NEBL: variants seen among roughly 807,000 people sequenced by gnomAD.
The protein encoded by NEBL is nebulette.
A neutral mutation model predicts 140.2 loss-of-function variants in NEBL; 122 were observed. The observed-to-expected ratio is 0.87, with a 90% CI of 0.75 to 1.01. NEBL has a LOEUF of 1.01. Ranked by LOEUF, NEBL falls within the 50% of genes least tolerant of loss-of-function variation. The pLI, the probability that NEBL is intolerant of heterozygous loss-of-function variation, is 0.00. For synonymous variants in NEBL, 436 were observed against 398.9 expected (o/e 1.09, Z -1.11); for missense variants, 1,365 against 1,231.3 (o/e 1.11, Z -1.62).
chr10:20,861,488 T>A (rs1056315898), intron 7 of NEBL, among the ~76,000 whole-genome samples: 2 of 152,130 alleles, frequency 1.3e-5, no homozygotes, highest in African/African-American at 4.8e-5. Context: ...CACAGTCTTA[T>A]TGCCCTCTTC....
chr10:21,283,760 T>C (rs1228683960), intron 1 of NEBL, among the ~76,000 whole-genome samples: 3 of 151,880 alleles, frequency 2.0e-5, no homozygotes, highest in Non-Finnish European at 1.5e-5. Context: ...CTTAAGAAAA[T>C]CTTTTGGGTT....
chr10:20,833,529 AG>A (rs1564365837), intron 14 of NEBL, among the ~76,000 whole-genome samples: 1 of 152,116 alleles, frequency 6.6e-6, no homozygotes, highest in East Asian at 1.9e-4. Flanking sequence ...TCTCAGCCTG[AG>A]AGTGGAGACT....
intron 3 of NEBL, among the ~76,000 whole-genome samples, chr10:21,219,332 A>C (rs1842037180): frequency 6.6e-6 from 1 of 152,258 alleles, no homozygotes; most frequent in Non-Finnish European, 1.5e-5. Flanking sequence ...AATTTCTGCT[A>C]CTAAAATGTA....
chr10:21,248,493 C>T (rs1019405312), intron 2 of NEBL, among the ~76,000 whole-genome samples: 1 of 152,116 alleles, frequency 6.6e-6, no homozygotes, highest in African/African-American at 2.4e-5. Context: ...TATCATGTGT[C>T]AGAATTCTAT....
In NEBL at chr10:20,787,503, A is replaced by T. The variant is rs190385432; in HGVS notation, c.2762-195T>A. 5.2e-3 allele frequency among the ~76,000 whole-genome samples: 792 copies of T among 152,336 alleles called. 6 individuals are homozygous for T. The highest frequency in any genetic ancestry group is 0.019 in the South Asian group (94 of 4,824). On this transcript the variant is annotated intron_variant, in intron 26 of 27. Transcript: ENST00000377122. ...GAAATCTTAGTAATTAGGGACACAT[A>T]AAGAAACTCAGCTTAGCATGCAGTT...
At chr10:20,845,169 A>T in intron 12 of NEBL, 89 bp downstream of exon 12, 1 of 807,142 alleles carries the variant, frequency 1.2e-6, no homozygotes, top group Non-Finnish European at 2.1e-6. Context: ...TATCTGAAAC[A>T]CTGAATTAGT....
intron 3 of NEBL, among the ~76,000 whole-genome samples, chr10:21,227,704 CTTCTTCTTTCTT>C (rs1348995961): frequency 1.3e-5 from 1 of 74,888 alleles, no homozygotes; most frequent in East Asian, 3.3e-4. Flanking sequence ...TCTTCTTCTT[CTTCTTCTTTCTT>C]CTTCTTCTTC....
intron 3 of NEBL, among the ~76,000 whole-genome samples, chr10:21,004,285 TA>T (rs897874752): frequency 2.0e-5 from 3 of 151,744 alleles, no homozygotes; most frequent in African/African-American, 4.8e-5. Context: ...GCATCATTAA[TA>T]AAAAAATAAA....
At chr10:20,917,557 C>T (rs1300021122) in intron 4 of NEBL, among the ~76,000 whole-genome samples, 3 of 152,132 alleles carry the variant, frequency 2.0e-5, no homozygotes, top group South Asian at 4.1e-4. Context: ...CTATGCATCA[C>T]GTACCTCATT....
intron 1 of NEBL, among the ~76,000 whole-genome samples, chr10:21,263,465 A>C (rs1037808320): frequency 1.5e-4 from 23 of 152,054 alleles, no homozygotes; most frequent in African/African-American, 5.3e-4. Context: ...TAAGAGTCCA[A>C]GCGGGGGAGG....
chr10:20,802,848 A>G (rs944858148), intron 26 of NEBL, among the ~76,000 whole-genome samples: 2 of 152,224 alleles, frequency 1.3e-5, no homozygotes. Context: ...ATTCTTACAC[A>G]TAGAAAGAAA....
At chr10:20,946,415 GA>G (rs1354013496) in intron 4 of NEBL, among the ~76,000 whole-genome samples, 2 of 152,080 alleles carry the variant, frequency 1.3e-5, no homozygotes, top group African/African-American at 4.8e-5. Flanking sequence ...TCCATTTCTT[GA>G]GCCAGGAGTA....
intron 2 of NEBL, among the ~76,000 whole-genome samples, chr10:21,022,449 C>A (rs1357965459): frequency 6.6e-6 from 1 of 152,198 alleles, no homozygotes; most frequent in Admixed American, 6.5e-5. Flanking sequence ...GTAGCTCCCA[C>A]GGAGTCAGAT....
chr10:20,938,917 T>A (rs1185373692), intron 4 of NEBL, among the ~76,000 whole-genome samples: 1 of 152,084 alleles, frequency 6.6e-6, no homozygotes, highest in East Asian at 1.9e-4. Context: ...GAACAAAACC[T>A]CCAAGAAATA....
chr10:21,288,820 G>GTA (rs71392181), intron 1 of NEBL, among the ~76,000 whole-genome samples: 3 of 35,024 alleles, frequency 8.6e-5, no homozygotes, highest in East Asian at 2.5e-3. Context: ...GTGTGTGTGT[G>GTA]TATATATATA....
chr10:21,286,270 C>T (rs910201272), intron 1 of NEBL, among the ~76,000 whole-genome samples: 2 of 152,174 alleles, frequency 1.3e-5, no homozygotes, highest in African/African-American at 2.4e-5. Flanking sequence ...CTTGCCATTT[C>T]AGGAATCTTT....
intron 2 of NEBL, among the ~76,000 whole-genome samples, chr10:21,070,645 T>C (rs531063675): frequency 5.3e-5 from 8 of 152,270 alleles, no homozygotes; most frequent in African/African-American, 1.9e-4. Context: ...AAAATTACTC[T>C]GAACATTAAA....
chr10:21,097,279 T>A (rs1837238050), intron 2 of NEBL, among the ~76,000 whole-genome samples: 1 of 148,316 alleles, frequency 6.7e-6, no homozygotes, highest in Non-Finnish European at 1.5e-5. Flanking sequence ...ACCAACATTG[T>A]GAAACCCTGT....
At chr10:21,198,690 T>G (rs1306967153) in intron 3 of NEBL, among the ~76,000 whole-genome samples, 2 of 152,134 alleles carry the variant, frequency 1.3e-5, no homozygotes, top group African/African-American at 2.4e-5. Flanking sequence ...TGCCTAGTCT[T>G]CCATACATAC....
Sources: allele counts gnomAD v4.1 joint callset (sites outside exome capture counted in the v4.1 genomes callset), GRCh38; gene constraint gnomAD v4.1.1; transcripts MANE v1.5; gene names NCBI Gene and HGNC (gene_info 2026-07-23, HGNC 2026-07-21).